The following BRIP1 variants were observed in gnomAD, a reference collection of about 807,000 sequenced individuals.
BRIP1 encodes BRCA1 interacting DNA helicase 1.
A neutral mutation model predicts 119.7 loss-of-function variants in BRIP1; 88 were observed. That is an observed-to-expected ratio of 0.74 (90% CI 0.62 to 0.88). The LOEUF (loss-of-function observed/expected upper bound fraction) is 0.88, where lower values mean the gene tolerates loss of function less well. Among genes scored for constraint, BRIP1 ranks in the 40% least tolerant of loss-of-function variants. BRIP1 has a pLI of 0.00. For synonymous variants in BRIP1, 443 were observed against 496.5 expected (o/e 0.89, Z 1.43); for missense variants, 1,259 against 1,455.4 (o/e 0.87, Z 2.20).
At chr17:61,836,974 G>A (rs2078583794) in intron 6 of BRIP1, among the ~76,000 whole-genome samples, 1 of 152,156 alleles carries the variant, frequency 6.6e-6, no homozygotes, top group Non-Finnish European at 1.5e-5. Context: ...CCAGGTTTGT[G>A]ACATGAACAA....
At position 61,687,495 on chromosome 17, in the gene BRIP1, C is replaced by T. The variant is rs79352120; in HGVS notation, c.2576-1330G>A. Among the ~76,000 whole-genome samples the T allele has an allele frequency of 1.2e-3, 177 of 152,128 alleles. 8 individuals carry two copies. In the East Asian group the frequency reaches 0.026, roughly 23 times the overall value. ...AAAACAAATAAAGCAATATTTTCTGCTTTATGTTTTAATATCAAACCAAAT... is the reference window on the plus strand; with the variant it reads ...AAAACAAATAAAGCAATATTTTCTGTTTTATGTTTTAATATCAAACCAAAT... On this transcript the variant is annotated intron_variant, in intron 18 of 19. Coordinates refer to ENST00000259008, the MANE Select transcript of BRIP1 (RefSeq NM_032043.3). This position sits in a 1 kb window ranked among gnomAD's most constrained non-coding sequence, Gnocchi z 5.1.
In BRIP1 at chr17:61,686,280, T is replaced by C. The variant is rs1359131152; in HGVS notation, c.2576-115A>G. 21 of 946,738 alleles carry C rather than the reference T, an allele frequency of 2.2e-5. No individual in the cohort carries two copies. In the South Asian group the frequency reaches 2.4e-4, roughly 11 times the overall value. The allele number at this position is 946,738 out of a possible 1,614,324, so 58.6% of individuals were successfully genotyped here. A position where few individuals can be genotyped will look rare whatever the true frequency, so the allele number is the denominator to read the frequency against. Reference sequence around the variant, plus strand: ...AGTAACCTAATTTGTATTTTGAATATACAGAATGGTTCTCCATATGTTTTT... The same window carrying C: ...AGTAACCTAATTTGTATTTTGAATACACAGAATGGTTCTCCATATGTTTTT... On this transcript the variant is annotated intron_variant, in intron 18 of 19. Transcript: ENST00000259008. The surrounding 1 kb of genome is among the most constrained non-coding windows in gnomAD (Gnocchi z 5.4).
intron 5 of BRIP1, among the ~76,000 whole-genome samples, chr17:61,847,496 T>C (rs1415352252): frequency 6.6e-6 from 1 of 152,216 alleles, no homozygotes; most frequent in Non-Finnish European, 1.5e-5. Context: ...GAACTTCTCA[T>C]AAAATAGTCC....
rs1438065098 is a variant in BRIP1, at chr17:61,860,163, A to G, written c.94-256T>C. 6.6e-6 allele frequency among the ~76,000 whole-genome samples: 1 copy of G among 152,246 alleles called. No homozygotes were observed. Among genetic ancestry groups the G allele is most frequent in the African/African-American group, 2.4e-5 (1 of 41,464 alleles). Reference sequence around the variant, plus strand: ...CTGTGCCAGAATTATGCAAGCATCAATGATTTCTGTAAAACCAGAATACAT... The same window carrying G: ...CTGTGCCAGAATTATGCAAGCATCAGTGATTTCTGTAAAACCAGAATACAT... On this transcript the variant is annotated intron_variant, in intron 2 of 19. Coordinates refer to ENST00000259008, the MANE Select transcript of BRIP1 (RefSeq NM_032043.3). This position sits in a 1 kb window ranked among gnomAD's most constrained non-coding sequence, Gnocchi z 4.1.
intron 4 of BRIP1, among the ~76,000 whole-genome samples, chr17:61,849,770 G>A (rs2078790439): frequency 6.6e-6 from 1 of 152,068 alleles, no homozygotes; most frequent in Admixed American, 6.6e-5. Flanking sequence ...TTACAAATGT[G>A]AACACTAGGT....
In BRIP1 at chr17:61,795,259, T is replaced by C. The variant is rs1321726589; in HGVS notation, c.1341-1530A>G. On this transcript the variant is annotated intron_variant, in intron 9 of 19. Transcript: ENST00000259008. The surrounding 1 kb of genome is among the most constrained non-coding windows in gnomAD (Gnocchi z 5.6). Reference sequence around the variant, plus strand: ...TACAAATAATCCAATTATATTCTTTTAGTTATTTTTAAATGTACAGTTAAA... The same window carrying C: ...TACAAATAATCCAATTATATTCTTTCAGTTATTTTTAAATGTACAGTTAAA... Among the ~76,000 whole-genome samples, 1 of 152,144 alleles carries C rather than the reference T, an allele frequency of 6.6e-6. No homozygotes were observed. The highest frequency in any genetic ancestry group is 1.5e-5 in the Non-Finnish European group (1 of 67,996).
chr17:61,781,526 C>A (rs992981253), intron 11 of BRIP1, among the ~76,000 whole-genome samples: 44 of 152,110 alleles, frequency 2.9e-4, no homozygotes, highest in Admixed American at 1.4e-3. Context: ...GAGTCTCAGC[C>A]TTCATCTACT....
chr17:61,805,621 G>A lies in BRIP1; in HGVS notation c.918+2846C>T, dbSNP rs141883723. Among the ~76,000 whole-genome samples, 24 of 152,258 alleles carry A rather than the reference G, an allele frequency of 1.6e-4. No individual in the cohort carries two copies. In the East Asian group the frequency reaches 4.6e-3, roughly 29 times the overall value. ...GTGACTAAGCATCAAAAGAATATTT[G>A]AACCAGAAGGCTTGTAAGATTCCTT... On this transcript the variant is annotated intron_variant, in intron 7 of 19. Transcript: ENST00000259008. This position sits in a 1 kb window ranked among gnomAD's most constrained non-coding sequence, Gnocchi z 5.6.
At position 61,861,512 on chromosome 17, in the gene BRIP1, T is replaced by C. The variant is rs945685514; in HGVS notation, c.28A>G (p.Ile10Val). 2 of 1,612,974 alleles carry C rather than the reference T, an allele frequency of 1.2e-6. No individual in the cohort carries two copies. The highest frequency in any genetic ancestry group is 1.3e-5 in the African/African-American group (1 of 74,980). Residue 10 changes from isoleucine to valine, a missense_variant, in exon 2 of 20, where the codon ATT becomes GTT. Ile to Val is a conservative substitution (Grantham distance 29). Around this residue, in one of 3 missense-constraint regions of BRIP1, gnomAD observed 501 missense variants for 544.0 expected, o/e 0.92. Transcript: ENST00000259008. The surrounding 1 kb of genome is among the most constrained non-coding windows in gnomAD (Gnocchi z 4.5). MSSMWSEYT[I>V]GGVKIYFPYK... ...GGAAAGTAAATCTTCACCCCACCAA[T>C]TGTATATTCAGACCACATTGAAGAC...
rs2061248846 is a variant in BRIP1 at position 61,679,367 on chromosome 17, A to G, written c.*3929T>C. On this transcript the variant is annotated 3_prime_UTR_variant, in exon 20 of 20. Transcript: ENST00000259008. This position sits in a 1 kb window ranked among gnomAD's most constrained non-coding sequence, Gnocchi z 4.4. ...AATTCTAGACAGTTTTAAATAATTT[A>G]ATCAAGTCATGAAACATCTACTCTT... 6.6e-6 allele frequency among the ~76,000 whole-genome samples: 1 copy of G among 152,216 alleles called. No homozygotes were observed. The highest frequency in any genetic ancestry group is 6.5e-5 in the Admixed American group (1 of 15,282).
intron 11 of BRIP1, among the ~76,000 whole-genome samples, chr17:61,783,539 G>A (rs902249995): frequency 6.6e-6 from 1 of 151,682 alleles, no homozygotes; most frequent in Non-Finnish European, 1.5e-5. Flanking sequence ...TACGTAAAAT[G>A]GTTAAAATGG....
At position 61,789,473 on chromosome 17, in the gene BRIP1, T is replaced by C. The variant is rs1038790689; in HGVS notation, c.1473+4124A>G. On this transcript the variant is annotated intron_variant, in intron 10 of 19. Coordinates refer to ENST00000259008, the MANE Select transcript of BRIP1 (RefSeq NM_032043.3). This position sits in a 1 kb window ranked among gnomAD's most constrained non-coding sequence, Gnocchi z 4.8. ...GAATCCAAGGCTTTGTAAAAGTATTTATAAATCCCATCCTTTATAAACAAT... is the reference window on the plus strand; with the variant it reads ...GAATCCAAGGCTTTGTAAAAGTATTCATAAATCCCATCCTTTATAAACAAT... 6.6e-6 allele frequency among the ~76,000 whole-genome samples: 1 copy of C among 152,122 alleles called. No individual in the cohort carries two copies. Among genetic ancestry groups the C allele is most frequent in the African/African-American group, 2.4e-5 (1 of 41,456 alleles).
rs1372389611 is a variant in BRIP1 at position 61,856,546 on chromosome 17, AT to A, written c.379+511del. Among the ~76,000 whole-genome samples the A allele has an allele frequency of 6.6e-6, 1 of 152,122 alleles. No homozygotes were observed. The highest frequency in any genetic ancestry group is 1.5e-5 in the Non-Finnish European group (1 of 68,010). ...CTATACAGCCAAAAGCAGGTGAAATATTTTTTAAATATATTATTAATAATCT... is the reference window on the plus strand; with the variant it reads ...CTATACAGCCAAAAGCAGGTGAAATATTTTTAAATATATTATTAATAATCT... On this transcript the variant is annotated intron_variant, in intron 4 of 19. Coordinates refer to ENST00000259008, the MANE Select transcript of BRIP1 (RefSeq NM_032043.3). The surrounding 1 kb of genome is among the most constrained non-coding windows in gnomAD (Gnocchi z 5.1).
rs1445329715 is a variant in BRIP1 at position 61,804,917 on chromosome 17, T to C, written c.919-3443A>G. Among the ~76,000 whole-genome samples the C allele has an allele frequency of 6.6e-6, 1 of 150,906 alleles. No individual in the cohort carries two copies. Among genetic ancestry groups the C allele is most frequent in the Non-Finnish European group, 1.5e-5 (1 of 67,760 alleles). ...GGCTCATGCTTATAATCCTAACACT[T>C]TGAGAAGCCAAGGCAGGATGAAATG... On this transcript the variant is annotated intron_variant, in intron 7 of 19. Coordinates refer to ENST00000259008, the MANE Select transcript of BRIP1 (RefSeq NM_032043.3). The surrounding 1 kb of genome is among the most constrained non-coding windows in gnomAD (Gnocchi z 4.5).
chr17:61,795,056 G>A lies in BRIP1; in HGVS notation c.1341-1327C>T, dbSNP rs559945063. On this transcript the variant is annotated intron_variant, in intron 9 of 19. Transcript: ENST00000259008. The surrounding 1 kb of genome is among the most constrained non-coding windows in gnomAD (Gnocchi z 5.6). ...AATCAGTCATCTTGAGTCATCATAA[G>A]AAATCTGAATTTATTCAAAGGGCAA... 4.3e-4 allele frequency among the ~76,000 whole-genome samples: 66 copies of A among 152,144 alleles called. No homozygotes were observed. In the Middle Eastern group the frequency reaches 0.024, roughly 55 times the overall value.
At position 61,736,306 on chromosome 17, in the gene BRIP1, C is replaced by T. The variant is rs1049865782; in HGVS notation, c.2379+6707G>A. Reference sequence around the variant, plus strand: ...TTGTGCCACTGCACTCCAACCTGGGCGACAGAACAAGACCTTGTCTATAAA... The same window carrying T: ...TTGTGCCACTGCACTCCAACCTGGGTGACAGAACAAGACCTTGTCTATAAA... On this transcript the variant is annotated intron_variant, in intron 16 of 19. Transcript: ENST00000259008. The surrounding 1 kb of genome is among the most constrained non-coding windows in gnomAD (Gnocchi z 4.4). Among the ~76,000 whole-genome samples, 15 of 151,538 alleles carry T rather than the reference C, an allele frequency of 9.9e-5. No homozygotes were observed. Among genetic ancestry groups the T allele is most frequent in the African/African-American group, 2.2e-4 (9 of 41,156 alleles).
At chr17:61,787,164 T>C (rs1482572653) in intron 10 of BRIP1, among the ~76,000 whole-genome samples, 1 of 98,956 alleles carries the variant, frequency 1.0e-5, no homozygotes, top group Admixed American at 1.7e-4. Context: ...TATTATATAC[T>C]ATATAAAATA....
At chr17:61,792,186 T>C (rs553171839) in intron 10 of BRIP1, among the ~76,000 whole-genome samples, 58 of 152,178 alleles carry the variant, frequency 3.8e-4, no homozygotes, top group Non-Finnish European at 6.9e-4. Flanking sequence ...GTTCAAGCAA[T>C]CTTCCTGCCT....
chr17:61,792,613 G>T (rs745464607), intron 10 of BRIP1, among the ~76,000 whole-genome samples: 2 of 152,094 alleles, frequency 1.3e-5, no homozygotes. Context: ...TCCAGAAAAG[G>T]CAAAACAATG....
Sources: gnomAD v4.1 joint callset for allele counts (sites outside exome capture counted in the v4.1 genomes callset) on GRCh38, gnomAD v4.1.1 for gene constraint, gnomAD v4.1.1 regional missense constraint, Gnocchi (gnomAD v3.1) non-coding constraint, MANE v1.5 for transcripts, NCBI Gene and HGNC (gene_info 2026-07-23, HGNC 2026-07-21) for gene names.